ATM: variants seen among roughly 807,000 people sequenced by gnomAD.
ATM encodes ATM serine/threonine kinase.
A neutral mutation model predicts 387.0 loss-of-function variants in ATM; 308 were observed. The ratio of observed to expected loss-of-function variants is 0.80; its 90% CI spans 0.73 to 0.87. ATM has a LOEUF of 0.87. ATM is among the 40% of genes least tolerant of loss of function. ATM has a pLI of 0.00. For missense variants in ATM, 3,312 were observed against 3,560.9 expected (o/e 0.93, Z 1.78); for synonymous variants, 1,156 against 1,187.3 (o/e 0.97, Z 0.54).
rs762018538 is a variant in ATM at position 108,252,852 on chromosome 11, T to G, written c.1838T>G (p.Val613Gly). 1.9e-6 allele frequency: 3 copies of G among 1,612,970 alleles called. No individual in the cohort carries two copies. The highest frequency in any genetic ancestry group is 2.7e-5 in the African/African-American group (2 of 74,890). The change falls in exon 12 of 63, where the codon GTG becomes GGG. Residue 613 changes from valine to glycine, a missense_variant. Physicochemically the swap from Val to Gly is moderately radical, Grantham distance 109 (BLOSUM62 -3). Around this residue, in one of 4 missense-constraint regions of ATM, gnomAD observed 1,791 missense variants for 1,804.5 expected, o/e 0.99. Coordinates refer to ENST00000675843, the MANE Select transcript of ATM (RefSeq NM_000051.4). ...CATCTTGTACTGGAGAAAATTCTTG[T>G]GAGTCTCACTATGAAAAACTGTAAA... Reference protein sequence around the residue: ...FPHLVLEKILVSLTMKNCKAA... With the variant: ...FPHLVLEKILGSLTMKNCKAA...
intron 7 of ATM, 54 bp from the exon 8 acceptor site, chr11:108,246,910 C>T (rs2079874048): frequency 7.1e-7 from 1 of 1,413,310 alleles, no homozygotes. Context: ...TGGGAGCTAG[C>T]AGTGTAAACA....
rs4988087 is a variant in ATM, at chr11:108,317,267, GA to G, written c.6199-104del. On this transcript the variant is annotated intron_variant, in intron 42 of 62. Transcript: ENST00000675843. ...ATTTTGGGATTTTAAATGATATTGT[GA>G]ACTAAAATTTGTCTAAGTTAATTTG... 8.4e-4 allele frequency: 1,024 copies of G among 1,218,350 alleles called. 13 individuals are homozygous for G. Among genetic ancestry groups the G allele is most frequent in the South Asian group, 7.6e-3 (590 of 77,884 alleles). 75.5% of individuals were successfully genotyped at this position (1,218,350 alleles called of 1,614,324 possible). A position where few individuals can be genotyped will look rare whatever the true frequency, so the allele number is the denominator to read the frequency against.
Position 108,283,052 on chromosome 11 carries a change from G to GT in ATM, c.3746+174dup, listed in dbSNP as rs1352180463. On this transcript the variant is annotated intron_variant, in intron 25 of 62. Coordinates refer to ENST00000675843, the MANE Select transcript of ATM (RefSeq NM_000051.4). Reference sequence around the variant, plus strand: ...TTTTAATAAGAATGTATTGAAGGGAGTCACTGGACTTCAGATCTGGTCCTA... The same window carrying GT: ...TTTTAATAAGAATGTATTGAAGGGAGTTCACTGGACTTCAGATCTGGTCCTA... Among the ~76,000 whole-genome samples, 6 of 152,228 alleles carry GT rather than the reference G, an allele frequency of 3.9e-5. 1 individual carries two copies. The highest frequency in any genetic ancestry group is 1.4e-4 in the African/African-American group (6 of 41,466).
intron 10 of ATM, 115 bp from the exon 11 acceptor site, chr11:108,251,722 T>C: frequency 9.8e-7 from 1 of 1,025,008 alleles, no homozygotes. Context: ...TTTAACAGTT[T>C]TTATGTTCAT....
chr11:108,235,986 T>A, intron 5 of ATM, 152 bp downstream of exon 5: 1 of 775,880 alleles, frequency 1.3e-6, no homozygotes, highest in South Asian at 1.6e-5. Flanking sequence ...AACTGACCCT[T>A]AATTTTTATT....
rs550998406 is a variant in ATM, at chr11:108,254,045, A to T, written c.2124+6A>T. ...TGAATAATTACTCATCTGAGGTGAG[A>T]TTTTTTAAAAAAAGAACTAAGCTTA... On this transcript the variant is annotated splice_donor_region_variant and intron_variant, in intron 13 of 62. Coordinates refer to ENST00000675843, the MANE Select transcript of ATM (RefSeq NM_000051.4). 2.5e-6 allele frequency: 4 copies of T among 1,612,186 alleles called. No individual in the cohort carries two copies. The African/African-American group carries it at 4.0e-5, about 16-fold the overall frequency.
intron 61 of ATM, among the ~76,000 whole-genome samples, chr11:108,359,658 A>C (rs2090467861): frequency 6.6e-6 from 1 of 152,228 alleles, no homozygotes; most frequent in Admixed American, 6.5e-5. Flanking sequence ...AAAACCGCTC[A>C]ACTACATGGA....
rs1175043012 is a variant in ATM, at chr11:108,319,936, C to A, written c.6348-18C>A. The A allele has an allele frequency of 6.4e-7, 1 of 1,566,806 alleles. No individual in the cohort carries two copies. The highest frequency in any genetic ancestry group is 8.8e-7 in the Non-Finnish European group (1 of 1,137,906). On this transcript the variant is annotated intron_variant, in intron 43 of 62. Coordinates refer to ENST00000675843, the MANE Select transcript of ATM (RefSeq NM_000051.4). Reference sequence around the variant, plus strand: ...GTTCTGTTTTTAAGTATATTTTTTTCTTTGACTTATCTCACAGCAAAGAAG... The same window carrying A: ...GTTCTGTTTTTAAGTATATTTTTTTATTTGACTTATCTCACAGCAAAGAAG...
At chr11:108,332,102 T>G in intron 52 of ATM, 65 bp downstream of exon 52, 1 of 1,579,974 alleles carries the variant, frequency 6.3e-7, no homozygotes, top group South Asian at 1.1e-5. Flanking sequence ...GAATATTTCT[T>G]TTTAAAATCT....
At chr11:108,247,899 CT>C (rs781700498) in intron 8 of ATM, among the ~76,000 whole-genome samples, 1 of 152,072 alleles carries the variant, frequency 6.6e-6, no homozygotes, top group Non-Finnish European at 1.5e-5. Flanking sequence ...CAGCCCAGAA[CT>C]TTTTTATCAT....
At chr11:108,242,269 A>G (rs1015787638) in intron 5 of ATM, among the ~76,000 whole-genome samples, 2 of 152,206 alleles carry the variant, frequency 1.3e-5, no homozygotes, top group Non-Finnish European at 2.9e-5. Flanking sequence ...CCTCAAAACC[A>G]TACATTATCA....
chr11:108,360,184 T>C (rs1190686828), intron 61 of ATM, among the ~76,000 whole-genome samples: 3 of 149,908 alleles, frequency 2.0e-5, no homozygotes, highest in African/African-American at 7.3e-5. Flanking sequence ...GCAAATAAAC[T>C]AGAAAATCTA....
At chr11:108,282,317 G>A (rs934943781) in intron 24 of ATM, among the ~76,000 whole-genome samples, 1 of 151,948 alleles carries the variant, frequency 6.6e-6, no homozygotes, top group African/African-American at 2.4e-5. Context: ...TTATACAGAC[G>A]GGCTCTTGCT....
chr11:108,364,030 G>A (rs1395690497), intron 61 of ATM, among the ~76,000 whole-genome samples: 1 of 152,142 alleles, frequency 6.6e-6, no homozygotes, highest in Non-Finnish European at 1.5e-5. Context: ...TAACGGACAA[G>A]CTACATGTAA....
intron 16 of ATM, among the ~76,000 whole-genome samples, chr11:108,264,690 T>G (rs1227164077): frequency 7.3e-6 from 1 of 137,384 alleles, no homozygotes; most frequent in Non-Finnish European, 1.5e-5. Flanking sequence ...GGAAGTCAAA[T>G]TGTCCCTGTT....
rs536629016 is a variant in ATM at position 108,359,818 on chromosome 11, G to A, written c.8850+4944G>A. Among the ~76,000 whole-genome samples the A allele has an allele frequency of 2.6e-5, 4 of 152,170 alleles. No individual in the cohort carries two copies. In the East Asian group the frequency reaches 7.7e-4, roughly 29 times the overall value. On this transcript the variant is annotated intron_variant, in intron 61 of 62. Coordinates refer to ENST00000675843, the MANE Select transcript of ATM (RefSeq NM_000051.4). ...AGCAGTGTGTAGAGGGAAATTTATA[G>A]CACTAAATGCCCACAAGAGAAAGCA...
intron 56 of ATM, among the ~76,000 whole-genome samples, chr11:108,337,906 C>T (rs894294840): frequency 1.3e-5 from 2 of 152,244 alleles, no homozygotes; most frequent in African/African-American, 2.4e-5. Flanking sequence ...ACAATTGAAC[C>T]TCCAAAGTTC....
At chr11:108,226,680 T>G (rs1432073356) in intron 1 of ATM, 2 of 151,974 alleles carry the variant, frequency 1.3e-5, no homozygotes, top group African/African-American at 2.4e-5. Flanking sequence ...CTCAGCAAAA[T>G]GACATGTCTC....
chr11:108,246,123 C>T (rs1043690268), intron 7 of ATM, among the ~76,000 whole-genome samples: 11 of 152,064 alleles, frequency 7.2e-5, no homozygotes, highest in Admixed American at 1.3e-4. Context: ...TGTGCCCGGC[C>T]GTGTAGCCAC....
Sources: gnomAD v4.1 joint callset for allele counts (sites outside exome capture counted in the v4.1 genomes callset) on GRCh38, gnomAD v4.1.1 for gene constraint, gnomAD v4.1.1 regional missense constraint, MANE v1.5 for transcripts, NCBI Gene and HGNC (gene_info 2026-07-23, HGNC 2026-07-21) for gene names.